ATP2C1: variants seen among roughly 807,000 people sequenced by gnomAD.
The protein encoded by ATP2C1 is ATPase secretory pathway Ca2+ transporting 1.
Under a neutral mutation model 120.5 loss-of-function variants are expected in ATP2C1, and 31 were observed. That is an observed-to-expected ratio of 0.26 (90% CI 0.19 to 0.35). The LOEUF is 0.35. Among genes scored for constraint, ATP2C1 ranks in the 10% least tolerant of loss-of-function variants. The pLI, the probability that ATP2C1 is intolerant of heterozygous loss-of-function variation, is 1.00. For synonymous variants in ATP2C1, 351 were observed against 358.7 expected, an observed-to-expected ratio of 0.98 and a Z score of 0.24; for missense variants, 731 against 1,107.5, an observed-to-expected ratio of 0.66 and a Z score of 4.83.
At chr3:130,964,622 A>G (rs1260650052) in intron 13 of ATP2C1, among the ~76,000 whole-genome samples, 1 of 152,072 alleles carries the variant, frequency 6.6e-6, no homozygotes, top group Non-Finnish European at 1.5e-5. Context: ...AAGAAATTAT[A>G]CGGGTTTATA....
chr3:130,866,112 A>G (rs542474505), intron 1 of ATP2C1, among the ~76,000 whole-genome samples: 2 of 152,220 alleles, frequency 1.3e-5, no homozygotes, highest in Non-Finnish European at 2.9e-5. Context: ...GTTCTGTACC[A>G]TTACTATATT....
chr3:130,967,458 C>T (rs541985494), intron 16 of ATP2C1, 39 bp downstream of exon 16: 2 of 1,525,812 alleles, frequency 1.3e-6, no homozygotes, highest in East Asian at 2.3e-5. Flanking sequence ...ATTTGAGACA[C>T]TGCCCTCACA....
intron 1 of ATP2C1, among the ~76,000 whole-genome samples, chr3:130,876,127 T>C (rs2068595113): frequency 6.6e-6 from 1 of 152,078 alleles, no homozygotes; most frequent in Non-Finnish European, 1.5e-5. Context: ...GGCTTTTAGT[T>C]TGATATAGTA....
chr3:130,857,801 G>A (rs1165073610), intron 1 of ATP2C1, among the ~76,000 whole-genome samples: 2 of 152,134 alleles, frequency 1.3e-5, no homozygotes, highest in East Asian at 3.9e-4. Context: ...TATATGATGG[G>A]GAGTTTATTA....
chr3:130,875,084 T>C (rs890465499), intron 1 of ATP2C1, among the ~76,000 whole-genome samples: 1 of 152,218 alleles, frequency 6.6e-6, no homozygotes, highest in Non-Finnish European at 1.5e-5. Context: ...TAAGGGCAAT[T>C]AGCATATCCC....
At chr3:130,880,002 T>C (rs1405292551) in intron 1 of ATP2C1, among the ~76,000 whole-genome samples, 1 of 152,204 alleles carries the variant, frequency 6.6e-6, no homozygotes, top group African/African-American at 2.4e-5. Flanking sequence ...GTCTGGTCCT[T>C]TAACCCCTAT....
At chr3:131,015,215 T>A in intron 26 of ATP2C1, 1 of 702,468 alleles carries the variant, frequency 1.4e-6, no homozygotes. Context: ...ATATTTTGTA[T>A]GCGTCCATAT....
chr3:130,882,366 ATTTT>A (rs1379410248), intron 1 of ATP2C1, among the ~76,000 whole-genome samples: 4 of 151,872 alleles, frequency 2.6e-5, no homozygotes, highest in African/African-American at 9.7e-5. Context: ...CACCTGGCTA[ATTTT>A]TTATATTTTT....
chr3:130,944,630 A>T (rs914181251), intron 8 of ATP2C1, among the ~76,000 whole-genome samples: 1 of 152,222 alleles, frequency 6.6e-6, no homozygotes. Context: ...GCTATATAGC[A>T]TGTGACTTTT....
At chr3:130,910,203 G>T (rs917234078) in intron 2 of ATP2C1, among the ~76,000 whole-genome samples, 2 of 151,496 alleles carry the variant, frequency 1.3e-5, no homozygotes, top group South Asian at 4.2e-4. Context: ...TATTCTCTTT[G>T]AAGCAATTGT....
At chr3:130,926,666 T>C (rs537868136) in intron 2 of ATP2C1, among the ~76,000 whole-genome samples, 94 of 152,388 alleles carry the variant, frequency 6.2e-4, no homozygotes, top group Non-Finnish European at 9.1e-4. Context: ...AGGCTAGGAA[T>C]GTCACATGTA....
chr3:130,977,812 C>T (rs2061588858), intron 18 of ATP2C1, among the ~76,000 whole-genome samples: 2 of 152,052 alleles, frequency 1.3e-5, no homozygotes, highest in African/African-American at 4.8e-5. Flanking sequence ...CTGAGATTAC[C>T]GTAATGAAGA....
intron 14 of ATP2C1, among the ~76,000 whole-genome samples, chr3:130,965,707 C>G (rs908806558): frequency 1.3e-5 from 2 of 152,028 alleles, no homozygotes; most frequent in African/African-American, 4.8e-5. Context: ...AGTCTAATGC[C>G]TCTTCATCCT....
chr3:130,899,349 T>C (rs1351638718), intron 2 of ATP2C1: 1 of 152,208 alleles, frequency 6.6e-6, no homozygotes, highest in Non-Finnish European at 1.5e-5. Context: ...ATACTTTGTA[T>C]GCTATATGTA....
chr3:130,888,305 C>T (rs1159254679), intron 1 of ATP2C1, among the ~76,000 whole-genome samples: 2 of 152,152 alleles, frequency 1.3e-5, no homozygotes, highest in Non-Finnish European at 2.9e-5. Flanking sequence ...ATGGCACAAG[C>T]ACTCCCTTAG....
intron 2 of ATP2C1, among the ~76,000 whole-genome samples, chr3:130,899,246 G>T (rs1311562764): frequency 6.6e-6 from 1 of 152,128 alleles, no homozygotes; most frequent in Non-Finnish European, 1.5e-5. Context: ...TTGAAAATCT[G>T]CATGTAACTT....
chr3:130,867,516 T>C (rs1229052545), intron 1 of ATP2C1, among the ~76,000 whole-genome samples: 15 of 148,496 alleles, frequency 1.0e-4, no homozygotes, highest in Non-Finnish European at 1.6e-4. Flanking sequence ...GGTCTCCAGC[T>C]CCTAACCGCG....
chr3:130,991,997 A>G (rs1158834704), intron 20 of ATP2C1, among the ~76,000 whole-genome samples: 2 of 152,248 alleles, frequency 1.3e-5, no homozygotes, highest in South Asian at 2.1e-4. Context: ...TATTATGTAT[A>G]TTGAAATCAC....
chr3:130,921,204 C>G (rs979884541), intron 2 of ATP2C1, among the ~76,000 whole-genome samples: 1 of 151,676 alleles, frequency 6.6e-6, no homozygotes, highest in African/African-American at 2.4e-5. Flanking sequence ...GCCTCAGCCT[C>G]CGAAGTAGCT....
Sources: gnomAD v4.1 joint callset for allele counts (sites outside exome capture counted in the v4.1 genomes callset) on GRCh38, gnomAD v4.1.1 for gene constraint, MANE v1.5 for transcripts, NCBI Gene and HGNC (gene_info 2026-07-23, HGNC 2026-07-21) for gene names.